PRSS1: variants seen among roughly 807,000 people sequenced by gnomAD.
PRSS1 encodes serine protease 1.
Under a neutral mutation model 24.2 loss-of-function variants are expected in PRSS1, and 22 were observed. The observed-to-expected ratio is 0.91, with a 90% confidence interval of 0.65 to 1.30. The LOEUF (loss-of-function observed/expected upper bound fraction) is 1.30. Ranked by LOEUF, PRSS1 falls within the 50% of genes most tolerant of loss-of-function variation. The pLI is 0.00. For missense variants in PRSS1, 366 were observed against 304.2 expected, an observed-to-expected ratio of 1.20 and a Z score of -1.51; for synonymous variants, 126 against 116.1, an observed-to-expected ratio of 1.08 and a Z score of -0.55.
At chr7:142,752,393 C>G in intron 3 of PRSS1, 38 bp from the exon 4 acceptor site, 1 of 1,610,978 alleles carries the variant, frequency 6.2e-7, no homozygotes, top group Non-Finnish European at 8.5e-7. Flanking sequence ...GCCTGACCCA[C>G]ATTTCTACTT....
chr7:142,751,450 C>T, intron 2 of PRSS1: 2 of 578,320 alleles, frequency 3.5e-6, no homozygotes, highest in African/African-American at 1.9e-5. Flanking sequence ...GCTGGGAAAA[C>T]TTCAAGGAGC....
chr7:142,750,516 G>A, intron 1 of PRSS1, 39 bp from the exon 2 acceptor site: 2 of 1,613,802 alleles, frequency 1.2e-6, no homozygotes, highest in Admixed American at 1.7e-5. Context: ...CCCCTAACAT[G>A]CTATTGACTT....
intron 3 of PRSS1, 62 bp from the exon 4 acceptor site, chr7:142,752,369 T>G (rs1798816748): frequency 1.3e-6 from 2 of 1,584,726 alleles, no homozygotes; most frequent in Non-Finnish European, 8.7e-7. Context: ...CCAAGATTAT[T>G]GTCTCCTTCT....
intron 1 of PRSS1, among the ~76,000 whole-genome samples, chr7:142,749,897 G>A (rs563181261): frequency 1.3e-5 from 2 of 152,362 alleles, no homozygotes; most frequent in African/African-American, 2.4e-5. Flanking sequence ...AATTACTCAT[G>A]CCAGAGACTC....
chr7:142,751,871 G>A lies in PRSS1; in HGVS notation c.298G>A (p.Asp100Asn), dbSNP rs199507985. 5.6e-3 allele frequency: 6,350 copies of A among 1,140,774 alleles called. No homozygotes were observed. Among genetic ancestry groups the A allele is most frequent in the African/African-American group, 0.012 (547 of 43,918 alleles). 70.7% of individuals were successfully genotyped at this position (1,140,774 alleles called of 1,614,324 possible). Residue 100 changes from aspartate (D) to asparagine (N), a missense_variant, in exon 3 of 5, where the codon GAC becomes AAC. Asp to Asn is a conservative substitution (Grantham distance 23). Coordinates refer to ENST00000311737, the MANE Select transcript of PRSS1 (RefSeq NM_002769.5). Reference sequence around the variant, plus strand: ...CAAGATCATCCGCCACCCCCAATACGACAGGAAGACTCTGAACAATGACAT... The same window carrying A: ...CAAGATCATCCGCCACCCCCAATACAACAGGAAGACTCTGAACAATGACAT... The part of the protein sequence containing the change: ...AAKIIRHPQY[D>N]RKTLNNDIML...
chr7:142,751,856 C>T lies in PRSS1; in HGVS notation c.283C>T (p.Arg95Cys), dbSNP rs201775810. The T allele has an allele frequency of 1.1e-4, 176 of 1,613,736 alleles. 1 individual carries two copies. Among genetic ancestry groups the T allele is most frequent in the Middle Eastern group, 4.9e-4 (3 of 6,084 alleles). ...GTTCATCAATGCAGCCAAGATCATC[C>T]GCCACCCCCAATACGACAGGAAGAC... ...EQFINAAKII[R>C]HPQYDRKTLN... Residue 95 changes from arginine (R) to cysteine (C), a missense_variant, in exon 3 of 5, where the codon CGC (arginine) becomes TGC (cysteine). Coordinates refer to ENST00000311737, the MANE Select transcript of PRSS1 (RefSeq NM_002769.5).
At chr7:142,751,667 T>A in intron 2 of PRSS1, 107 bp from the exon 3 acceptor site, 1 of 1,606,842 alleles carries the variant, frequency 6.2e-7, no homozygotes, top group Non-Finnish European at 8.5e-7. Context: ...CCCCACCCCA[T>A]GCCTCCAGAG....
intron 2 of PRSS1, chr7:142,751,213 C>T (rs1019449943): frequency 5.3e-5 from 32 of 608,006 alleles, no homozygotes; most frequent in Admixed American, 1.3e-4. Context: ...TGCATCAGAA[C>T]GCCCTGCAGG....
intron 4 of PRSS1, 50 bp from the exon 5 acceptor site, chr7:142,752,818 C>A (rs755764701): frequency 6.3e-7 from 1 of 1,596,528 alleles, no homozygotes; most frequent in East Asian, 2.2e-5. Context: ...GTAAATGTAG[C>A]TATATTCCTC....
intron 1 of PRSS1, 37 bp downstream of exon 1, chr7:142,749,561 C>T (rs773042810): frequency 1.9e-5 from 31 of 1,610,758 alleles, no homozygotes; most frequent in Non-Finnish European, 2.2e-5. Context: ...CCAACCACCC[C>T]CCCGTTCCTG....
At chr7:142,752,128 A>G in intron 3 of PRSS1, 101 bp downstream of exon 3, 1 of 1,533,810 alleles carries the variant, frequency 6.5e-7, no homozygotes, top group South Asian at 1.1e-5. Context: ...GGCTTAAGAC[A>G]CATTTCGAGT....
chr7:142,751,640 T>C (rs1335990148), intron 2 of PRSS1, 134 bp from the exon 3 acceptor site: 14 of 1,536,764 alleles, frequency 9.1e-6, no homozygotes, highest in Admixed American at 1.8e-5. Context: ...CTGCTGCCCA[T>C]GCGATATGGC....
Position 142,750,721 on chromosome 7 carries a change from G to C in PRSS1, c.200+7G>C, listed in dbSNP as rs374455072. 1 of 1,613,836 alleles carries C rather than the reference G, an allele frequency of 6.2e-7. No homozygotes were observed. The highest frequency in any genetic ancestry group is 1.3e-5 in the African/African-American group (1 of 74,966). On this transcript the variant is annotated splice_region_variant and intron_variant, in intron 2 of 4. Transcript: ENST00000311737. ...CAGGCCACTGCTACAAGTCGTAAGT[G>C]TGGGGCCCCCGACTGCAAAGCTCCC...
At chr7:142,751,437 A>T in intron 2 of PRSS1, 1 of 576,636 alleles carries the variant, frequency 1.7e-6, no homozygotes, top group South Asian at 2.1e-5. Flanking sequence ...TGGGGTGAAG[A>T]ACGCTGGGAA....
chr7:142,749,959 CT>C (rs972538193), intron 1 of PRSS1, among the ~76,000 whole-genome samples: 1 of 150,082 alleles, frequency 6.7e-6, no homozygotes, highest in African/African-American at 2.5e-5. Flanking sequence ...GTGTTCTGGG[CT>C]TTTAAGCTTC....
Position 142,752,138 on chromosome 7 carries a change from T to C in PRSS1, c.454+111T>C, listed in dbSNP as rs115010288. Reference sequence around the variant, plus strand: ...CTCCAGGCTTAAGACACATTTCGAGTGCCCATTACACACAGACTCTGCACT... The same window carrying C: ...CTCCAGGCTTAAGACACATTTCGAGCGCCCATTACACACAGACTCTGCACT... On this transcript the variant is annotated intron_variant, in intron 3 of 4. Coordinates refer to ENST00000311737, the MANE Select transcript of PRSS1 (RefSeq NM_002769.5). 2,633 of 1,521,304 alleles carry C rather than the reference T, an allele frequency of 1.7e-3. 26 individuals are homozygous for C. The African/African-American group carries it at 0.032, about 19-fold the overall frequency. The allele number at this position is 1,521,304 out of a possible 1,614,324, so 94.2% of individuals were successfully genotyped here. A position where few individuals can be genotyped will look rare whatever the true frequency, so the allele number is the denominator to read the frequency against.
Position 142,751,990 on chromosome 7 carries a change from C to A in PRSS1, c.417C>A (p.Cys139Ter), listed in dbSNP as rs141847266. 5 of 1,614,054 alleles carry A rather than the reference C, an allele frequency of 3.1e-6. 1 individual carries two copies. The highest frequency in any genetic ancestry group is 2.2e-5 in the South Asian group (2 of 91,082). Residue 139 changes from cysteine to a stop codon, truncating the protein, a stop_gained, in exon 3 of 5, where the codon TGC becomes TGA. Coordinates refer to ENST00000311737, the MANE Select transcript of PRSS1 (RefSeq NM_002769.5). LOFTEE classifies it high-confidence loss of function. ...PTAPPATGTK[C>*]LISGWGNTAS... ...CCCCTCCAGCCACTGGCACGAAGTG[C>A]CTCATCTCTGGCTGGGGCAACACTG...
At position 142,749,534 on chromosome 7, in the gene PRSS1, A is replaced by G. The variant is rs199613498; in HGVS notation, c.40+10A>G. The G allele has an allele frequency of 5.7e-4, 921 of 1,613,912 alleles. 5 individuals are homozygous for G. Among genetic ancestry groups the G allele is most frequent in the Middle Eastern group, 3.3e-4 (2 of 6,084 alleles). Reference sequence around the variant, plus strand: ...TTTGTGGCAGCTGCTCGTGAGTATCATGCCCTGCCTCAGGCCCCAACCACC... The same window carrying G: ...TTTGTGGCAGCTGCTCGTGAGTATCGTGCCCTGCCTCAGGCCCCAACCACC... On this transcript the variant is annotated intron_variant, in intron 1 of 4. Transcript: ENST00000311737.
In PRSS1 at chr7:142,752,029, T is replaced by G. The variant is rs879105910; in HGVS notation, c.454+2T>G. On this transcript the variant is annotated splice_donor_variant, in intron 3 of 4. Transcript: ENST00000311737. LOFTEE classifies it high-confidence loss of function. Reference sequence around the variant, plus strand: ...GGGGCAACACTGCGAGCTCTGGCGGTGAGTGGGACCCTTAGTCCTTCTACT... The same window carrying G: ...GGGGCAACACTGCGAGCTCTGGCGGGGAGTGGGACCCTTAGTCCTTCTACT... 1 of 1,614,092 alleles carries G rather than the reference T, an allele frequency of 6.2e-7. No homozygotes were observed.
Sources: allele counts gnomAD v4.1 joint callset (sites outside exome capture counted in the v4.1 genomes callset), GRCh38; gene constraint gnomAD v4.1.1; transcripts MANE v1.5; gene names NCBI Gene and HGNC (gene_info 2026-07-23, HGNC 2026-07-21).